Variants in CATSPER1 observed in about 807,000 individuals in gnomAD.
CATSPER1 encodes cation channel sperm-associated protein 1.
In CATSPER1, 57 loss-of-function variants were observed where a neutral mutation model predicts 72.7. The observed-to-expected ratio is 0.78, with a 90% confidence interval of 0.63 to 0.98. CATSPER1 has a LOEUF of 0.98. CATSPER1 is among the 50% of genes least tolerant of loss of function. The pLI is 0.00. For synonymous variants in CATSPER1, 363 were observed against 403.0 expected (o/e 0.90, Z 1.19); for missense variants, 910 against 1,033.9 (o/e 0.88, Z 1.64).
In CATSPER1 at chr11:66,022,890, A is replaced by C; in HGVS notation, c.1388T>G (p.Met463Arg). 1 of 1,614,222 alleles carries C rather than the reference A, an allele frequency of 6.2e-7. No homozygotes were observed. ...TTCAGCGAAGGTCTGGGCCACCAGC[A>C]TGACGGTGTTGAGGCAGACAACGAA... Reference protein sequence around the residue: ...IFFVVCLNTVMLVAQTFAEVE... With the variant: ...IFFVVCLNTVRLVAQTFAEVE... Residue 463 changes from methionine (M) to arginine (R), a missense_variant, in exon 2 of 12, where the codon ATG (methionine) becomes AGG (arginine). Physicochemically the swap from Met to Arg is moderately conservative, Grantham distance 91. Coordinates refer to ENST00000312106, the MANE Select transcript of CATSPER1 (RefSeq NM_053054.4).
At chr11:66,025,097 C>T (rs1348731844) in intron 1 of CATSPER1, 67 bp downstream of exon 1, 1 of 1,603,664 alleles carries the variant, frequency 6.2e-7, no homozygotes, top group African/African-American at 1.3e-5. Context: ...CAGTGCGGGG[C>T]CGAGATCAGG....
chr11:66,021,763 C>T lies in CATSPER1; in HGVS notation c.1543+3G>A, dbSNP rs2134992625. ...CACGCAGCCTGGCCCCGGCCGCACCCACCCAAATTGTTCCAGAAGTCAAAG... is the reference window on the plus strand; with the variant it reads ...CACGCAGCCTGGCCCCGGCCGCACCTACCCAAATTGTTCCAGAAGTCAAAG... On this transcript the variant is annotated splice_donor_region_variant and intron_variant, in intron 3 of 11. Transcript: ENST00000312106. 1 of 1,613,988 alleles carries T rather than the reference C, an allele frequency of 6.2e-7. No homozygotes were observed. Among genetic ancestry groups the T allele is most frequent in the African/African-American group, 1.3e-5 (1 of 75,056 alleles).
At chr11:66,018,716 C>G (rs890303786) in intron 10 of CATSPER1, 111 bp downstream of exon 10, 1 of 1,211,300 alleles carries the variant, frequency 8.3e-7, no homozygotes, top group African/African-American at 1.5e-5. Context: ...AGCCTCAGCG[C>G]TCCATCCCCT....
rs1229644598 is a variant in CATSPER1 at position 66,023,070 on chromosome 11, A to C, written c.1217-9T>G. ...CCGCTGGAGCCGGCCGGCTGAAAGG[A>C]ACAGGGCCAGAAAGTCAAGTGTGTG... On this transcript the variant is annotated splice_polypyrimidine_tract_variant and intron_variant, in intron 1 of 11. Transcript: ENST00000312106. 14 of 1,612,942 alleles carry C rather than the reference A, an allele frequency of 8.7e-6. No homozygotes were observed. Among genetic ancestry groups the C allele is most frequent in the African/African-American group, 1.3e-5 (1 of 74,908 alleles).
Position 66,025,611 on chromosome 11 carries a change from G to T in CATSPER1, c.769C>A (p.Gln257Lys), listed in dbSNP as rs1317236121. 6.2e-7 allele frequency: 1 copy of T among 1,612,208 alleles called. No homozygotes were observed. ...ISPHSSVGSY[Q>K]RGISDYHSEY... ...CTGTGATAGTCAGATATCCCACGCT[G>T]GTAGGACCCCACAGAGGAATGAGGG... The change falls in exon 1 of 12, where the codon CAG becomes AAG. Residue 257 changes from glutamine (Q) to lysine (K), a missense_variant. Gln to Lys is a moderately conservative substitution (Grantham distance 53). Transcript: ENST00000312106.
rs1234269035 is a variant in CATSPER1 at position 66,018,829 on chromosome 11, C to T, written c.2199G>A (p.Glu733=). The part of the protein sequence containing the change: ...LIEKKFGTMT[E]KQQELLFHYL... ...TCGCTCCCTTCCTGTCTCCTCACTT[C>T]TCAGTCATGGTCCCAAACTTTTTCT... Residue 733 remains glutamate, a splice_region_variant and synonymous_variant, in exon 10 of 12, where the codon GAG becomes GAA. Transcript: ENST00000312106. The T allele has an allele frequency of 6.2e-7, 1 of 1,613,518 alleles. No individual in the cohort carries two copies. The highest frequency in any genetic ancestry group is 1.3e-5 in the African/African-American group (1 of 74,890).
Position 66,025,161 on chromosome 11 carries a change from C to A in CATSPER1, c.1216+3G>T. On this transcript the variant is annotated splice_donor_region_variant and intron_variant, in intron 1 of 11. Transcript: ENST00000312106. ...TGGCATGGGGGGCCCAGCAAAGACT[C>A]ACTTTTGCGTTTCTGAAATTGCCCT... is the stretch of plus-strand genomic sequence containing the variant. 6.2e-7 allele frequency: 1 copy of A among 1,614,104 alleles called. No homozygotes were observed. The highest frequency in any genetic ancestry group is 1.1e-5 in the South Asian group (1 of 91,002).
intron 4 of CATSPER1, 78 bp from the exon 5 acceptor site, chr11:66,021,263 CGCTG>C: frequency 1.4e-6 from 2 of 1,433,108 alleles, no homozygotes; most frequent in Non-Finnish European, 1.9e-6. Context: ...CCACAGCTGG[CGCTG>C]AAGGCAGGAG....
chr11:66,019,273 C>CT (rs1027003957), intron 9 of CATSPER1, among the ~76,000 whole-genome samples: 40 of 149,624 alleles, frequency 2.7e-4, no homozygotes, highest in Non-Finnish European at 4.5e-4. Context: ...CCAATTAGAA[C>CT]TTTTTTTTTT....
At position 66,016,898 on chromosome 11, in the gene CATSPER1, T is replaced by C. The variant is rs1281132496; in HGVS notation, c.2335A>G (p.Arg779Gly). 5.0e-6 allele frequency: 8 copies of C among 1,613,926 alleles called. No individual in the cohort carries two copies. In the Admixed American group the frequency reaches 6.7e-5, roughly 13 times the overall value. The change falls in exon 12 of 12, where the codon AGG (arginine) becomes GGG (glycine). Residue 779 changes from arginine to glycine, a missense_variant. Transcript: ENST00000312106. Reference sequence around the variant, plus strand: ...CTGGTGTCCTCCTGGGGTCAATTCCTGAAGTCCTCTTCTCCAGCCTGCAGG... The same window carrying C: ...CTGGTGTCCTCCTGGGGTCAATTCCCGAAGTCCTCTTCTCCAGCCTGCAGG... Reference protein sequence around the residue: ...TTFEAGEEDFRN With the variant: ...TTFEAGEEDFGN
chr11:66,023,046 C>A lies in CATSPER1; in HGVS notation c.1232G>T (p.Arg411Leu), dbSNP rs372720906. ...GGTAGAGTGTCCCTTCTTGCGGGTC[C>A]GCTGGAGCCGGCCGGCTGAAAGGAA... is the stretch of plus-strand genomic sequence containing the variant. Reference protein sequence around the residue: ...FQKRKTGRLQRTRKKGHSTNL... With the variant: ...FQKRKTGRLQLTRKKGHSTNL... Residue 411 changes from arginine to leucine, a missense_variant, in exon 2 of 12, where the codon CGG becomes CTG. By Grantham distance (102) the Arg-to-Leu change is moderately radical. Transcript: ENST00000312106. 1 of 1,614,126 alleles carries A rather than the reference C, an allele frequency of 6.2e-7. No individual in the cohort carries two copies. Among genetic ancestry groups the A allele is most frequent in the Non-Finnish European group, 8.5e-7 (1 of 1,180,018 alleles).
At position 66,022,935 on chromosome 11, in the gene CATSPER1, G is replaced by A; in HGVS notation, c.1343C>T (p.Ala448Val). 1 of 1,614,244 alleles carries A rather than the reference G, an allele frequency of 6.2e-7. No homozygotes were observed. The highest frequency in any genetic ancestry group is 8.5e-7 in the Non-Finnish European group (1 of 1,180,058). The change falls in exon 2 of 12, where the codon GCC (alanine) becomes GTC (valine). Residue 448 changes from alanine (A) to valine (V), a missense_variant. Ala to Val is a moderately conservative substitution (Grantham distance 64, BLOSUM62 0). Transcript: ENST00000312106. ...EMIRNLTQSL[A>V]FETFIFFVVC... ...AACGAAGAAGATGAAAGTTTCAAAG[G>A]CCAAGGATTGGGTCAGGTTCCGGAT... is the stretch of plus-strand genomic sequence containing the variant.
In CATSPER1 at chr11:66,020,870, A is replaced by G; in HGVS notation, c.1868T>C (p.Leu623Pro). Residue 623 changes from leucine to proline, a missense_variant, in exon 6 of 12, where the codon CTC becomes CCC. By Grantham distance (98) the Leu-to-Pro change is moderately conservative. Coordinates refer to ENST00000312106, the MANE Select transcript of CATSPER1 (RefSeq NM_053054.4). This position sits in a 1 kb window ranked among gnomAD's most constrained non-coding sequence, Gnocchi z 4.5. The stretch of plus-strand genomic sequence containing the variant: ...GTCATCCAGCGTGAGCAAGGTGAAG[A>G]GGGTGAAGATGGTGGTGAAGATGTT... ...FQNIFTTIFTLFTLLTLDDWS... is the reference protein window; with the variant it reads ...FQNIFTTIFTPFTLLTLDDWS... The G allele has an allele frequency of 6.2e-7, 1 of 1,613,934 alleles. No homozygotes were observed. Among genetic ancestry groups the G allele is most frequent in the South Asian group, 1.1e-5 (1 of 91,080 alleles).
Position 66,025,815 on chromosome 11 carries a change from C to T in CATSPER1, c.565G>A (p.Glu189Lys). 1 of 1,611,006 alleles carries T rather than the reference C, an allele frequency of 6.2e-7. No homozygotes were observed. Among genetic ancestry groups the T allele is most frequent in the Non-Finnish European group, 8.5e-7 (1 of 1,178,988 alleles). Reference sequence around the variant, plus strand: ...GAAGCCTCGCTGTGGTGGAAGGACTCACTGTAGGGATTGGGTCCATGGGGG... The same window carrying T: ...GAAGCCTCGCTGTGGTGGAAGGACTTACTGTAGGGATTGGGTCCATGGGGG... ...YLPHGPNPYS[E>K]SFHHSEASHL... The change falls in exon 1 of 12, where the codon GAG becomes AAG. Residue 189 changes from glutamate to lysine, a missense_variant. By Grantham distance (56) the Glu-to-Lys change is moderately conservative. Transcript: ENST00000312106.
chr11:66,021,094 A>G lies in CATSPER1; in HGVS notation c.1783T>C (p.Phe595Leu). 5 of 1,611,854 alleles carry G rather than the reference A, an allele frequency of 3.1e-6. No individual in the cohort carries two copies. The highest frequency in any genetic ancestry group is 4.2e-6 in the Non-Finnish European group (5 of 1,179,244). The change falls in exon 5 of 12, where the codon TTC (phenylalanine) becomes CTC (leucine). Residue 595 changes from phenylalanine (F) to leucine (L), a missense_variant and splice_region_variant. Transcript: ENST00000312106. The stretch of plus-strand genomic sequence containing the variant: ...CCCAGCCCCTGCAGCACCAGGATAC[A>G]GAGGCAGGTAAACATGAGGATGAGG... ...AILILMFTCL[F>L]LFSAVLRALF... is the part of the protein sequence containing the mutation.
chr11:66,020,461 G>A lies in CATSPER1; in HGVS notation c.1992-72C>T, dbSNP rs1856336766. 2.5e-6 allele frequency: 4 copies of A among 1,604,550 alleles called. No individual in the cohort carries two copies. The highest frequency in any genetic ancestry group is 1.3e-5 in the African/African-American group (1 of 74,734). ...GAGGGGCACCCGGTACTTCTTGTGG[G>A]TTCAGCGTGGCATGACCAGGGTGAG... On this transcript the variant is annotated intron_variant, in intron 7 of 11. Transcript: ENST00000312106. The surrounding 1 kb of genome is among the most constrained non-coding windows in gnomAD (Gnocchi z 4.5).
chr11:66,019,880 G>A (rs934408025), intron 9 of CATSPER1, among the ~76,000 whole-genome samples: 17 of 122,384 alleles, frequency 1.4e-4, no homozygotes, highest in African/African-American at 4.7e-4. Context: ...TTGCAGCACC[G>A]CACTCCAGCC....
chr11:66,018,930 C>T (rs1856296333), intron 9 of CATSPER1, 28 bp from the exon 10 acceptor site: 2 of 1,588,726 alleles, frequency 1.3e-6, no homozygotes, highest in Non-Finnish European at 1.7e-6. Flanking sequence ...AGGGTGAGGT[C>T]AAGGCCTGGA....
In CATSPER1 at chr11:66,020,191, G is replaced by C. The variant is rs755098505; in HGVS notation, c.2074C>G (p.Arg692Gly). Reference sequence around the variant, plus strand: ...TCTTCCAGCAGCTTCTCTTGGATCCGGGCGGCCCTCTGGGAAGAAGAGGCC... The same window carrying C: ...TCTTCCAGCAGCTTCTCTTGGATCCCGGCGGCCCTCTGGGAAGAAGAGGCC... ...LEKAKQERAA[R>G]IQEKLLEDSL... Residue 692 changes from arginine to glycine, a missense_variant, in exon 9 of 12, where the codon CGG (arginine) becomes GGG (glycine). Arg to Gly is a moderately radical substitution (Grantham distance 125). Transcript: ENST00000312106. This position sits in a 1 kb window ranked among gnomAD's most constrained non-coding sequence, Gnocchi z 4.5. 3.1e-6 allele frequency: 5 copies of C among 1,613,632 alleles called. No homozygotes were observed. The highest frequency in any genetic ancestry group is 1.1e-5 in the South Asian group (1 of 91,090).
Sources: gnomAD v4.1 joint callset for allele counts (sites outside exome capture counted in the v4.1 genomes callset) on GRCh38, gnomAD v4.1.1 for gene constraint, Gnocchi (gnomAD v3.1) non-coding constraint, MANE v1.5 for transcripts, NCBI Gene and HGNC (gene_info 2026-07-23, HGNC 2026-07-21) for gene names.